Variants in ZNF787 observed in about 807,000 individuals in gnomAD.
ZNF787 encodes the protein TTF-I-interacting peptide 20.
ZNF787 carries 7 observed loss-of-function variants against 16.9 expected under a neutral mutation model. That is an observed-to-expected ratio of 0.42 (90% confidence interval 0.24 to 0.78). The LOEUF (loss-of-function observed/expected upper bound fraction) is 0.78, where lower values mean the gene tolerates loss of function less well. Among genes scored for constraint, ZNF787 ranks in the 30% least tolerant of loss-of-function variants. ZNF787 has a pLI of 0.30. For synonymous variants in ZNF787, 345 were observed against 270.9 expected, an observed-to-expected ratio of 1.27 and a Z score of -2.69; for missense variants, 551 against 589.3, an observed-to-expected ratio of 0.94 and a Z score of 0.67.
Position 56,102,827 on chromosome 19 carries a change from G to A in ZNF787, c.79+312C>T, listed in dbSNP as rs942905496. On this transcript the variant is annotated intron_variant, in intron 2 of 2. Transcript: ENST00000610935. ...GGAGGCGGGGCTGTGGGGAGAGGAA[G>A]GGGGCACCCTCAACAGACGGGGGTG... 20 of 690,870 alleles carry A rather than the reference G, an allele frequency of 2.9e-5. No homozygotes were observed. In the Admixed American group the frequency reaches 3.9e-4, roughly 13 times the overall value. The allele number at this position is 690,870 out of a possible 1,614,324, so 42.8% of individuals were successfully genotyped here. A position where few individuals can be genotyped will look rare whatever the true frequency, so the allele number is the denominator to read the frequency against.
chr19:56,093,138 C>G (rs1568524184), intron 2 of ZNF787, among the ~76,000 whole-genome samples: 1 of 150,120 alleles, frequency 6.7e-6, no homozygotes. Flanking sequence ...TCCATAGACA[C>G]AGGGGATGGC....
At chr19:56,091,935 C>CAAA (rs1985595714) in intron 2 of ZNF787, among the ~76,000 whole-genome samples, 3 of 116,218 alleles carry the variant, frequency 2.6e-5, no homozygotes, top group African/African-American at 8.5e-5. Context: ...AAGCCGAAGC[C>CAAA]GAAGCCAAAG....
chr19:56,097,123 G>A (rs1248166416), intron 2 of ZNF787, among the ~76,000 whole-genome samples: 1 of 152,168 alleles, frequency 6.6e-6, no homozygotes, highest in Non-Finnish European at 1.5e-5. Context: ...CCACGGCCCA[G>A]GCAGGTGTCT....
chr19:56,091,695 A>G (rs1985580889), intron 2 of ZNF787, among the ~76,000 whole-genome samples: 1 of 152,200 alleles, frequency 6.6e-6, no homozygotes, highest in Admixed American at 6.5e-5. Flanking sequence ...TCTAAGTACG[A>G]GTTAAGCACT....
intron 2 of ZNF787, 114 bp from the exon 3 acceptor site, chr19:56,089,206 T>C (rs961052981): frequency 3.6e-5 from 24 of 665,518 alleles, no homozygotes; most frequent in Non-Finnish European, 7.0e-6. Context: ...GGACCTGCCC[T>C]GGTGTCCTCA....
At chr19:56,093,920 T>C (rs921986744) in intron 2 of ZNF787, among the ~76,000 whole-genome samples, 2 of 152,248 alleles carry the variant, frequency 1.3e-5, no homozygotes, top group East Asian at 3.8e-4. Context: ...TACTATCCGC[T>C]CTATTCTTTT....
rs192273911 is a variant in ZNF787, at chr19:56,087,851, A to C, written c.*172T>G. 1.4e-3 allele frequency: 1,499 copies of C among 1,085,224 alleles called. 7 individuals are homozygous for C. In the African/African-American group the frequency reaches 0.02, roughly 15 times the overall value. 67.2% of individuals were successfully genotyped at this position (1,085,224 alleles called of 1,614,324 possible). On this transcript the variant is annotated 3_prime_UTR_variant, in exon 3 of 3. Coordinates refer to ENST00000610935, the MANE Select transcript of ZNF787 (RefSeq NM_001002836.4). ...GGCGGAGAAGTGAACGGGCCCTAAT[A>C]CGCCCCAGTGCCCCCCCACGGACGG...
chr19:56,099,894 C>T (rs1252813409), intron 2 of ZNF787, among the ~76,000 whole-genome samples: 1 of 151,956 alleles, frequency 6.6e-6, no homozygotes, highest in African/African-American at 2.4e-5. Flanking sequence ...ATTCTCGCTC[C>T]CGTCAAGCCA....
intron 1 of ZNF787, among the ~76,000 whole-genome samples, chr19:56,109,222 C>T (rs758828654): frequency 3.9e-5 from 6 of 152,192 alleles, no homozygotes; most frequent in Non-Finnish European, 8.8e-5. Flanking sequence ...GCTGGGGCTA[C>T]GTATCGGAAC....
At chr19:56,099,748 C>T (rs573296872) in intron 2 of ZNF787, among the ~76,000 whole-genome samples, 2 of 147,900 alleles carry the variant, frequency 1.4e-5, no homozygotes, top group South Asian at 2.2e-4. Context: ...AGAGAAAGGA[C>T]GAGTCACACA....
At chr19:56,115,575 G>C (rs1190259776) in intron 1 of ZNF787, among the ~76,000 whole-genome samples, 1 of 152,024 alleles carries the variant, frequency 6.6e-6, no homozygotes, top group Non-Finnish European at 1.5e-5. Flanking sequence ...AGCCAGGATG[G>C]TCGCTGCTCT....
intron 1 of ZNF787, among the ~76,000 whole-genome samples, chr19:56,114,634 T>C (rs1031583420): frequency 3.3e-5 from 5 of 152,166 alleles, no homozygotes; most frequent in African/African-American, 1.2e-4. Flanking sequence ...ACACCCCACC[T>C]TTCCCATGGC....
chr19:56,100,067 C>T (rs368771627), intron 2 of ZNF787, among the ~76,000 whole-genome samples: 3 of 152,178 alleles, frequency 2.0e-5, no homozygotes, highest in East Asian at 1.9e-4. Context: ...AGCGACCATA[C>T]TCGGGATGTA....
intron 2 of ZNF787, among the ~76,000 whole-genome samples, chr19:56,100,941 CTGT>C (rs1319525268): frequency 7.6e-5 from 11 of 144,646 alleles, no homozygotes; most frequent in South Asian, 2.2e-4. Context: ...CGAACGATGT[CTGT>C]CACTGTCACA....
At chr19:56,114,144 C>T (rs2030061676) in intron 1 of ZNF787, among the ~76,000 whole-genome samples, 1 of 152,224 alleles carries the variant, frequency 6.6e-6, no homozygotes. Context: ...CCAGGCACCA[C>T]AGGGTTCCAT....
At chr19:56,095,736 T>C (rs763583946) in intron 2 of ZNF787, among the ~76,000 whole-genome samples, 8 of 152,208 alleles carry the variant, frequency 5.3e-5, no homozygotes, top group Non-Finnish European at 8.8e-5. Flanking sequence ...CCCCAGCCCC[T>C]TTTGGGCCTT....
chr19:56,089,192 C>T (rs1301201940), intron 2 of ZNF787, 100 bp from the exon 3 acceptor site: 13 of 803,112 alleles, frequency 1.6e-5, no homozygotes, highest in Non-Finnish European at 2.4e-5. Context: ...CTCCCCCTGG[C>T]GCAGGACCTG....
At chr19:56,117,708 C>T (rs1384681211) in intron 1 of ZNF787, among the ~76,000 whole-genome samples, 1 of 152,240 alleles carries the variant, frequency 6.6e-6, no homozygotes, top group Non-Finnish European at 1.5e-5. Context: ...GTCTTATTCA[C>T]CTCTGCGACA....
intron 1 of ZNF787, among the ~76,000 whole-genome samples, chr19:56,111,505 C>A (rs368915995): frequency 1.3e-5 from 2 of 152,134 alleles, no homozygotes; most frequent in Admixed American, 6.5e-5. Context: ...ACCCAGAGAC[C>A]TCCAGGAAAG....
Sources: allele counts gnomAD v4.1 joint callset (sites outside exome capture counted in the v4.1 genomes callset), GRCh38; gene constraint gnomAD v4.1.1; transcripts MANE v1.5; gene names NCBI Gene and HGNC (gene_info 2026-07-23, HGNC 2026-07-21).